N4BP2L1: variants seen among roughly 807,000 people sequenced by gnomAD.
The protein encoded by N4BP2L1 is NEDD4 binding protein 2 like 1.
N4BP2L1 carries 12 observed loss-of-function variants against 21.2 expected under a neutral mutation model. That is an observed-to-expected ratio of 0.57 (90% CI 0.36 to 0.92). N4BP2L1 has a LOEUF of 0.92. Ranked by LOEUF, N4BP2L1 falls within the 40% of genes least tolerant of loss-of-function variation. The probability of loss-of-function intolerance (pLI) is 0.01; values close to 1 mark genes in which losing one functional copy is unlikely to be tolerated. For synonymous variants in N4BP2L1, 104 were observed against 112.8 expected (o/e 0.92, Z 0.49); for missense variants, 259 against 310.6 (o/e 0.83, Z 1.25).
rs2073567222 is a variant in N4BP2L1, at chr13:32,407,189, A to G, written c.396+61T>C. The G allele has an allele frequency of 1.5e-5, 22 of 1,486,366 alleles. No homozygotes were observed. In the South Asian group the frequency reaches 2.4e-4, roughly 16 times the overall value. 92.1% of individuals were successfully genotyped at this position (1,486,366 alleles called of 1,614,324 possible). On this transcript the variant is annotated intron_variant, in intron 3 of 4. Transcript: ENST00000380130. ...ACATCAGAAAAAGAGGAAAGAACAG[A>G]TGCTTCAACTTTCTCACAAAATGTC... is the stretch of plus-strand genomic sequence containing the variant.
intron 4 of N4BP2L1, chr13:32,404,091 T>C (rs2073320996): frequency 1.4e-6 from 2 of 1,481,026 alleles, no homozygotes; most frequent in African/African-American, 2.8e-5. Context: ...TGCATCCTTT[T>C]AAAGGACCAA....
chr13:32,403,207 G>A lies in N4BP2L1; in HGVS notation c.474-7C>T, dbSNP rs769591118. 1.9e-6 allele frequency: 3 copies of A among 1,572,638 alleles called. No homozygotes were observed. Among genetic ancestry groups the A allele is most frequent in the Admixed American group, 3.8e-5 (2 of 52,552 alleles). On this transcript the variant is annotated splice_polypyrimidine_tract_variant and splice_region_variant and intron_variant, in intron 4 of 4. Coordinates refer to ENST00000380130, the MANE Select transcript of N4BP2L1 (RefSeq NM_052818.3). ...GACACCATGAATGTTTCTTCTACATGGAAAAAAAATGCATTTAGTTAAGGC... is the reference window on the plus strand; with the variant it reads ...GACACCATGAATGTTTCTTCTACATAGAAAAAAAATGCATTTAGTTAAGGC...
chr13:32,413,876 C>CTTTTT (rs57796470), intron 1 of N4BP2L1, among the ~76,000 whole-genome samples: 27 of 98,576 alleles, frequency 2.7e-4, no homozygotes, highest in Admixed American at 3.8e-4. Context: ...TTGCACCAAG[C>CTTTTT]TTTTTTTTTT....
In N4BP2L1 at chr13:32,427,997, G is replaced by C. The variant is rs750603046; in HGVS notation, c.86C>G (p.Pro29Arg). Residue 29 changes from proline (P) to arginine (R), a missense_variant, in exon 1 of 5, where the codon CCC (proline) becomes CGC (arginine). This residue lies in a region of N4BP2L1 where 60 missense variants were observed against 54.7 expected (regional missense o/e 1.10). Transcript: ENST00000380130. ...GCGGCGAGGAGGTGTCCCCCGCGGG[G>C]GCGGCCGGGGCGGCCGCTGCCGCTG... is the stretch of plus-strand genomic sequence containing the variant. ...QQQRQRPPRP[P>R]PRGTPPRRHS... 1.3e-6 allele frequency: 2 copies of C among 1,555,506 alleles called. No individual in the cohort carries two copies. The highest frequency in any genetic ancestry group is 4.0e-5 in the Admixed American group (2 of 49,760).
In N4BP2L1 at chr13:32,428,007, G is replaced by T. The variant is rs2074893788; in HGVS notation, c.76C>A (p.Pro26Thr). 1 of 1,560,604 alleles carries T rather than the reference G, an allele frequency of 6.4e-7. No homozygotes were observed. Among genetic ancestry groups the T allele is most frequent in the Non-Finnish European group, 8.6e-7 (1 of 1,156,098 alleles). ...GGTGTCCCCCGCGGGGGCGGCCGGG[G>T]CGGCCGCTGCCGCTGCTGCTGCTGC... ...PQQQQQRQRP[P>T]RPPPRGTPPR... The change falls in exon 1 of 5, where the codon CCC becomes ACC. Residue 26 changes from proline (P) to threonine (T), a missense_variant. Physicochemically the swap from Pro to Thr is conservative, Grantham distance 38 (BLOSUM62 -1). Coordinates refer to ENST00000380130, the MANE Select transcript of N4BP2L1 (RefSeq NM_052818.3).
chr13:32,411,324 A>ATT (rs3072043), intron 1 of N4BP2L1, among the ~76,000 whole-genome samples: 8 of 141,068 alleles, frequency 5.7e-5, no homozygotes, highest in East Asian at 2.0e-4. Flanking sequence ...AAGGCCAAGG[A>ATT]TTTTTTTTTT....
chr13:32,401,721 ACAAAT>A lies in N4BP2L1; in HGVS notation c.*1216_*1220del, dbSNP rs1436757566. The A allele has an allele frequency of 6.0e-6, 1 of 167,156 alleles. No homozygotes were observed. Among genetic ancestry groups the A allele is most frequent in the East Asian group, 1.9e-4 (1 of 5,260 alleles). The allele number at this position is 167,156 out of a possible 1,614,324, so 10.4% of individuals were successfully genotyped here. A position where few individuals can be genotyped will look rare whatever the true frequency, so the allele number is the denominator to read the frequency against. The stretch of plus-strand genomic sequence containing the variant: ...TGTTGAACCAAAAAAAGATCCAATG[ACAAAT>A]CCATATAAATGTGATACCATTTACA... On this transcript the variant is annotated 3_prime_UTR_variant, in exon 5 of 5. Transcript: ENST00000380130.
chr13:32,416,398 C>T (rs2074140739), intron 1 of N4BP2L1: 2 of 152,172 alleles, frequency 1.3e-5, no homozygotes, highest in Admixed American at 6.5e-5. Context: ...TGTGCTTGAG[C>T]GCTATAAAAT....
intron 1 of N4BP2L1, among the ~76,000 whole-genome samples, chr13:32,415,762 G>A (rs7990765): frequency 6.6e-6 from 1 of 152,038 alleles, no homozygotes; most frequent in Non-Finnish European, 1.5e-5. Context: ...TAACACACCT[G>A]CATACACACC....
At chr13:32,421,171 T>C (rs575295467) in intron 1 of N4BP2L1, among the ~76,000 whole-genome samples, 1 of 152,328 alleles carries the variant, frequency 6.6e-6, no homozygotes, top group Admixed American at 6.5e-5. Flanking sequence ...TGGCCTTCTT[T>C]TAGGAGCTGG....
chr13:32,415,596 T>A (rs1229392795), intron 1 of N4BP2L1, among the ~76,000 whole-genome samples: 1 of 152,238 alleles, frequency 6.6e-6, no homozygotes, highest in East Asian at 1.9e-4. Flanking sequence ...CTTTAGATTC[T>A]TTTATATATC....
Position 32,403,194 on chromosome 13 carries a change from G to A in N4BP2L1, c.480C>T (p.Asn160=), listed in dbSNP as rs758846311. ...KFNVQELARR[N]IHGVSREKIH... is the part of the protein sequence containing the mutation. ...TTTTTTCTCTTGAGACACCATGAAT[G>A]TTTCTTCTACATGGAAAAAAAATGC... The change falls in exon 5 of 5, where the codon AAC becomes AAT. Residue 160 remains asparagine (N), a synonymous_variant. Coordinates refer to ENST00000380130, the MANE Select transcript of N4BP2L1 (RefSeq NM_052818.3). 1.3e-6 allele frequency: 2 copies of A among 1,595,928 alleles called. No individual in the cohort carries two copies. Among genetic ancestry groups the A allele is most frequent in the South Asian group, 2.3e-5 (2 of 88,604 alleles).
Position 32,419,627 on chromosome 13 carries a change from C to A in N4BP2L1, c.179+8277G>T, listed in dbSNP as rs149777801. On this transcript the variant is annotated intron_variant, in intron 1 of 4. Coordinates refer to ENST00000380130, the MANE Select transcript of N4BP2L1 (RefSeq NM_052818.3). ...TTTTGCTCAGCACTTCTCCTTCCTGCCGCCATGTGAAGAAGGACATGTTTG... is the reference window on the plus strand; with the variant it reads ...TTTTGCTCAGCACTTCTCCTTCCTGACGCCATGTGAAGAAGGACATGTTTG... 5.3e-5 allele frequency among the ~76,000 whole-genome samples: 8 copies of A among 152,038 alleles called. No individual in the cohort carries two copies. The East Asian group carries it at 1.5e-3, about 29-fold the overall frequency.
At chr13:32,412,999 C>T (rs2073943760) in intron 1 of N4BP2L1, among the ~76,000 whole-genome samples, 1 of 152,226 alleles carries the variant, frequency 6.6e-6, no homozygotes, top group Admixed American at 6.5e-5. Context: ...TCTCGGCTCA[C>T]TGCAACCTCC....
intron 1 of N4BP2L1, among the ~76,000 whole-genome samples, chr13:32,418,915 G>A (rs1405486875): frequency 6.6e-6 from 1 of 152,214 alleles, no homozygotes; most frequent in African/African-American, 2.4e-5. Context: ...TATCTAGGAA[G>A]TAACCAACTT....
intron 4 of N4BP2L1, chr13:32,403,845 A>G (rs946327867): frequency 4.2e-6 from 2 of 474,404 alleles, no homozygotes; most frequent in African/African-American, 4.0e-5. Flanking sequence ...ACATTATCAA[A>G]TAATACAGAC....
chr13:32,410,838 G>T (rs1269451787), intron 1 of N4BP2L1, among the ~76,000 whole-genome samples: 1 of 152,018 alleles, frequency 6.6e-6, no homozygotes, highest in East Asian at 1.9e-4. Flanking sequence ...CTGAATCCAA[G>T]ATTTTTTTTT....
chr13:32,412,565 T>G (rs1191219512), intron 1 of N4BP2L1, among the ~76,000 whole-genome samples: 3 of 150,184 alleles, frequency 2.0e-5, no homozygotes, highest in African/African-American at 7.4e-5. Context: ...AGGCAGAAAT[T>G]GCAGTGAGCC....
Position 32,402,457 on chromosome 13 carries a change from C to T in N4BP2L1, c.*485G>A, listed in dbSNP as rs1051121390. On this transcript the variant is annotated 3_prime_UTR_variant, in exon 5 of 5. Transcript: ENST00000380130. ...GAAAATCAGTATCATAAGAGTCGCACATCTCACATTTTTAGATACATAGAT... is the reference window on the plus strand; with the variant it reads ...GAAAATCAGTATCATAAGAGTCGCATATCTCACATTTTTAGATACATAGAT... The T allele has an allele frequency of 2.1e-6, 2 of 970,372 alleles. No homozygotes were observed. The highest frequency in any genetic ancestry group is 2.4e-6 in the Non-Finnish European group (2 of 816,366). 60.1% of individuals were successfully genotyped at this position (970,372 alleles called of 1,614,324 possible).
Sources: allele counts gnomAD v4.1 joint callset (sites outside exome capture counted in the v4.1 genomes callset), GRCh38; gene constraint gnomAD v4.1.1; regional missense constraint gnomAD v4.1.1; transcripts MANE v1.5; gene names NCBI Gene and HGNC (gene_info 2026-07-23, HGNC 2026-07-21).